The following PARD3 variants were observed in gnomAD, a reference collection of about 807,000 sequenced individuals.
The protein encoded by PARD3 is par-3 family cell polarity regulator.
In PARD3, 75 loss-of-function variants were observed where a neutral mutation model predicts 155.4. That is an observed-to-expected ratio of 0.48 (90% CI 0.40 to 0.58). PARD3 has a LOEUF of 0.58. Ranked by LOEUF, PARD3 falls within the 20% of genes least tolerant of loss-of-function variation. The probability of loss-of-function intolerance (pLI) is 0.00; values close to 1 mark genes in which losing one functional copy is unlikely to be tolerated. For missense variants in PARD3, 1,642 were observed against 1,721.7 expected (o/e 0.95, Z 0.82); for synonymous variants, 576 against 610.5 (o/e 0.94, Z 0.83).
At chr10:34,177,268 A>G (rs891990890) in intron 22 of PARD3, among the ~76,000 whole-genome samples, 3 of 152,088 alleles carry the variant, frequency 2.0e-5, no homozygotes, top group Non-Finnish European at 4.4e-5. Context: ...GCAAAAAATA[A>G]CCCATGTGCT....
chr10:34,185,713 C>T (rs920322159), intron 22 of PARD3, among the ~76,000 whole-genome samples: 18 of 151,754 alleles, frequency 1.2e-4, no homozygotes, highest in Non-Finnish European at 4.4e-5. Flanking sequence ...ACCTCCTACT[C>T]GAGGCTTCAT....
chr10:34,351,506 T>A (rs1838077609), intron 14 of PARD3, among the ~76,000 whole-genome samples: 2 of 152,200 alleles, frequency 1.3e-5, no homozygotes. Flanking sequence ...ATAAAGCAAC[T>A]AATGAAAACA....
At chr10:34,608,427 A>G (rs1275575484) in intron 2 of PARD3, among the ~76,000 whole-genome samples, 1 of 152,136 alleles carries the variant, frequency 6.6e-6, no homozygotes, top group African/African-American at 2.4e-5. Context: ...TCTAGTTCTT[A>G]GGCACCACCA....
intron 1 of PARD3, among the ~76,000 whole-genome samples, chr10:34,797,442 G>A (rs1016985096): frequency 2.6e-5 from 4 of 152,100 alleles, no homozygotes; most frequent in Admixed American, 1.3e-4. Context: ...GTGAGGCACC[G>A]CACCTGGCCA....
chr10:34,121,972 A>G (rs1947029808), intron 23 of PARD3, among the ~76,000 whole-genome samples: 1 of 152,290 alleles, frequency 6.6e-6, no homozygotes, highest in Non-Finnish European at 1.5e-5. Context: ...AGAGACAGAC[A>G]TTTTCTTCCA....
At chr10:34,601,756 AG>A (rs1290983591) in intron 2 of PARD3, among the ~76,000 whole-genome samples, 3 of 152,180 alleles carry the variant, frequency 2.0e-5, no homozygotes, top group Non-Finnish European at 2.9e-5. Context: ...ATGATAGCAA[AG>A]TTTATTGCAA....
chr10:34,408,153 A>C (rs1403700717), intron 5 of PARD3, among the ~76,000 whole-genome samples: 1 of 152,114 alleles, frequency 6.6e-6, no homozygotes, highest in African/African-American at 2.4e-5. Context: ...TAAAAACTTA[A>C]AGTTATACTT....
intron 1 of PARD3, among the ~76,000 whole-genome samples, chr10:34,735,209 T>G (rs764677918): frequency 1.3e-5 from 2 of 152,152 alleles, no homozygotes; most frequent in Non-Finnish European, 2.9e-5. Context: ...TTAGGGCAAT[T>G]TGTCAATAAT....
At chr10:34,424,627 T>G (rs2075495548) in intron 5 of PARD3, among the ~76,000 whole-genome samples, 1 of 152,014 alleles carries the variant, frequency 6.6e-6, no homozygotes, top group South Asian at 2.1e-4. Flanking sequence ...AGATTCTCAT[T>G]TCTCAGCCTC....
intron 2 of PARD3, among the ~76,000 whole-genome samples, chr10:34,541,414 G>C (rs1210307161): frequency 6.6e-6 from 1 of 152,204 alleles, no homozygotes; most frequent in Non-Finnish European, 1.5e-5. Context: ...CTATATTCCT[G>C]AAGGGACAAC....
At chr10:34,601,190 G>C (rs1279197639) in intron 2 of PARD3, among the ~76,000 whole-genome samples, 1 of 151,188 alleles carries the variant, frequency 6.6e-6, no homozygotes, top group East Asian at 2.0e-4. Flanking sequence ...GGAGGCAAAG[G>C]CAGGAGAAGG....
At chr10:34,343,690 T>G (rs1564608508) in intron 15 of PARD3, 2 of 984,348 alleles carry the variant, frequency 2.0e-6, no homozygotes, top group African/African-American at 1.7e-5. Flanking sequence ...AATACAATGA[T>G]CCCTTAATTA....
intron 22 of PARD3, among the ~76,000 whole-genome samples, chr10:34,140,024 T>C (rs993133851): frequency 1.3e-5 from 2 of 152,188 alleles, no homozygotes; most frequent in African/African-American, 4.8e-5. Context: ...TCTTAATTGC[T>C]GTAAATTAGT....
At chr10:34,370,286 A>C (rs752345112) in intron 12 of PARD3, among the ~76,000 whole-genome samples, 1 of 152,156 alleles carries the variant, frequency 6.6e-6, no homozygotes, top group Non-Finnish European at 1.5e-5. Flanking sequence ...TCACCATGTC[A>C]TGCTACCATA....
At chr10:34,637,027 G>A (rs981712095) in intron 2 of PARD3, among the ~76,000 whole-genome samples, 6 of 152,294 alleles carry the variant, frequency 3.9e-5, no homozygotes, top group African/African-American at 1.4e-4. Flanking sequence ...GACTGCCTGA[G>A]ACATGTTGCA....
Position 34,456,402 on chromosome 10 carries a change from T to A in PARD3, c.583-5954A>T, listed in dbSNP as rs187655666. Among the ~76,000 whole-genome samples, 241 of 152,276 alleles carry A rather than the reference T, an allele frequency of 1.6e-3. 1 individual carries two copies. Among genetic ancestry groups the A allele is most frequent in the Non-Finnish European group, 1.9e-3 (130 of 68,032 alleles). ...ACCTCCGTCTCCCTGGTTCAAACGA[T>A]TCTCCTGCCTCAGCCTCCCGAGTAG... is the stretch of plus-strand genomic sequence containing the variant. On this transcript the variant is annotated intron_variant, in intron 4 of 24. Transcript: ENST00000374788.
intron 16 of PARD3, among the ~76,000 whole-genome samples, chr10:34,338,971 C>A (rs1277079793): frequency 6.6e-6 from 1 of 152,146 alleles, no homozygotes; most frequent in Non-Finnish European, 1.5e-5. Context: ...TGACAGACAT[C>A]TACCCTCAGA....
intron 3 of PARD3, among the ~76,000 whole-genome samples, chr10:34,490,610 G>GT (rs1189860199): frequency 3.3e-5 from 5 of 152,250 alleles, no homozygotes; most frequent in Middle Eastern, 3.4e-3. Context: ...ATAGTCTTGT[G>GT]TATTTTCACC....
chr10:34,346,642 CA>C (rs1307989916), intron 15 of PARD3, among the ~76,000 whole-genome samples: 4 of 152,092 alleles, frequency 2.6e-5, no homozygotes, highest in Admixed American at 6.5e-5. Context: ...AAGTAATAAG[CA>C]AAGATTTGAA....
Sources: allele counts gnomAD v4.1 joint callset (sites outside exome capture counted in the v4.1 genomes callset), GRCh38; gene constraint gnomAD v4.1.1; transcripts MANE v1.5; gene names NCBI Gene and HGNC (gene_info 2026-07-23, HGNC 2026-07-21).